PDSS2: variants seen among roughly 807,000 people sequenced by gnomAD.
The protein encoded by PDSS2 is decaprenyl diphosphate synthase subunit 2.
In PDSS2, 31 loss-of-function variants were observed where a neutral mutation model predicts 44.5. The ratio of observed to expected loss-of-function variants is 0.70; its 90% CI spans 0.52 to 0.94. The LOEUF (loss-of-function observed/expected upper bound fraction) is 0.94, where lower values mean the gene tolerates loss of function less well. Ranked by LOEUF, PDSS2 falls within the 40% of genes least tolerant of loss-of-function variation. The probability of loss-of-function intolerance (pLI) is 0.00; values close to 1 mark genes in which losing one functional copy is unlikely to be tolerated. For synonymous variants in PDSS2, 157 were observed against 180.3 expected (o/e 0.87, Z 1.03); for missense variants, 452 against 482.2 (o/e 0.94, Z 0.59).
chr6:107,363,349 C>G (rs1418927289), intron 1 of PDSS2, among the ~76,000 whole-genome samples: 1 of 152,154 alleles, frequency 6.6e-6, no homozygotes, highest in African/African-American at 2.4e-5. Flanking sequence ...TAAGGTGGCG[C>G]GTCTGGAGTC....
chr6:107,203,672 T>G lies in PDSS2; in HGVS notation c.1008+6767A>C, dbSNP rs572679957. ...TAGGTAAAATTTACATAACATAAAA[T>G]TAATCATTTTAATCATTTAAAACAG... On this transcript the variant is annotated intron_variant, in intron 6 of 7. Coordinates refer to ENST00000369037, the MANE Select transcript of PDSS2 (RefSeq NM_020381.4). Among the ~76,000 whole-genome samples the G allele has an allele frequency of 2.6e-5, 4 of 152,244 alleles. No individual in the cohort carries two copies. The South Asian group carries it at 8.3e-4, about 32-fold the overall frequency.
chr6:107,361,812 AT>A (rs770612679), intron 1 of PDSS2, among the ~76,000 whole-genome samples: 4 of 152,226 alleles, frequency 2.6e-5, no homozygotes, highest in African/African-American at 4.8e-5. Context: ...CAACCACTTC[AT>A]TAGAACTGCT....
intron 1 of PDSS2, among the ~76,000 whole-genome samples, chr6:107,340,870 C>G (rs955165402): frequency 6.6e-6 from 1 of 152,092 alleles, no homozygotes; most frequent in African/African-American, 2.4e-5. Flanking sequence ...GTGGGGCTAC[C>G]CATTTGGGCA....
chr6:107,318,449 A>G (rs549704240), intron 2 of PDSS2, among the ~76,000 whole-genome samples: 11 of 152,168 alleles, frequency 7.2e-5, no homozygotes, highest in African/African-American at 2.6e-4. Flanking sequence ...GTTTTATTCA[A>G]TTTTTTACTT....
chr6:107,239,996 T>C (rs1331775580), intron 4 of PDSS2, among the ~76,000 whole-genome samples: 4 of 152,174 alleles, frequency 2.6e-5, no homozygotes, highest in Non-Finnish European at 5.9e-5. Context: ...AATTTAGATA[T>C]ACAGGTCTGT....
chr6:107,440,469 AG>A (rs2114801889), intron 1 of PDSS2, among the ~76,000 whole-genome samples: 1 of 152,366 alleles, frequency 6.6e-6, no homozygotes, highest in South Asian at 2.1e-4. Context: ...GGTTCCAGCT[AG>A]GATCTATTGC....
chr6:107,161,126 C>T (rs1383896776), intron 7 of PDSS2, among the ~76,000 whole-genome samples: 2 of 151,200 alleles, frequency 1.3e-5, no homozygotes, highest in African/African-American at 2.4e-5. Context: ...CCACCCACCT[C>T]GGCCTCCCAA....
At chr6:107,177,018 G>A (rs1305291540) in intron 7 of PDSS2, among the ~76,000 whole-genome samples, 2 of 150,690 alleles carry the variant, frequency 1.3e-5, no homozygotes, top group Non-Finnish European at 2.9e-5. Flanking sequence ...TTCAGGGTAT[G>A]AGCAGACATG....
chr6:107,393,611 C>G (rs1341780256), intron 1 of PDSS2, among the ~76,000 whole-genome samples: 1 of 152,090 alleles, frequency 6.6e-6, no homozygotes, highest in African/African-American at 2.4e-5. Context: ...TTAAAATCTC[C>G]TACTATAACT....
At chr6:107,162,121 T>A (rs1393640689) in intron 7 of PDSS2, among the ~76,000 whole-genome samples, 2 of 152,192 alleles carry the variant, frequency 1.3e-5, no homozygotes, top group Non-Finnish European at 2.9e-5. Context: ...CACCCTTGTT[T>A]TGACATGCAT....
chr6:107,230,496 C>T (rs913852087), intron 4 of PDSS2, among the ~76,000 whole-genome samples: 1 of 152,062 alleles, frequency 6.6e-6, no homozygotes, highest in East Asian at 1.9e-4. Context: ...ATAAAGGTAC[C>T]CCCAAACTCA....
intron 1 of PDSS2, among the ~76,000 whole-genome samples, chr6:107,441,414 T>G (rs927164997): frequency 2.0e-5 from 3 of 152,242 alleles, no homozygotes; most frequent in Non-Finnish European, 4.4e-5. Context: ...CGCCAGTCTC[T>G]GCCATAGCGT....
chr6:107,172,283 T>C (rs1230759961), intron 7 of PDSS2, among the ~76,000 whole-genome samples: 1 of 152,214 alleles, frequency 6.6e-6, no homozygotes, highest in Non-Finnish European at 1.5e-5. Context: ...GTTCAAAAGT[T>C]CTAAAAGTTC....
rs532790550 is a variant in PDSS2, at chr6:107,233,265, G to A, written c.702+12283C>T. Reference sequence around the variant, plus strand: ...TAGTCTGTTCCTTACAATTTTACATGTGGTCTTATGGGAAAATTGCTCTCC... The same window carrying A: ...TAGTCTGTTCCTTACAATTTTACATATGGTCTTATGGGAAAATTGCTCTCC... On this transcript the variant is annotated intron_variant, in intron 4 of 7. Transcript: ENST00000369037. Among the ~76,000 whole-genome samples, 5 of 152,218 alleles carry A rather than the reference G, an allele frequency of 3.3e-5. No individual in the cohort carries two copies. The South Asian group carries it at 1.0e-3, about 32-fold the overall frequency.
At chr6:107,185,141 AAAG>A (rs1167952748) in intron 7 of PDSS2, among the ~76,000 whole-genome samples, 5 of 145,628 alleles carry the variant, frequency 3.4e-5, no homozygotes, top group Non-Finnish European at 5.9e-5. Flanking sequence ...AAAAAAAAAA[AAAG>A]AAGAAGAAGA....
rs1204166730 is a variant in PDSS2 at position 107,154,526 on chromosome 6, TAA to T, written c.*91_*92del. On this transcript the variant is annotated 3_prime_UTR_variant, in exon 8 of 8. Transcript: ENST00000369037. ...AAAGGAAGGAAAAATGCATATGTTT[TAA>T]AAGTCATTAACGCATCGTGAAAGCG... 3.4e-6 allele frequency: 4 copies of T among 1,169,836 alleles called. No individual in the cohort carries two copies. The highest frequency in any genetic ancestry group is 3.5e-5 in the Admixed American group (2 of 56,964). The allele number at this position is 1,169,836 out of a possible 1,614,324, so 72.5% of individuals were successfully genotyped here.
rs1308453557 is a variant in PDSS2, at chr6:107,254,074, C to G, written c.631-8455G>C. Reference sequence around the variant, plus strand: ...TTTGAGACAGAGTCTCACTCTGTCTCCCAGACTGGAATGCAGTGGGACGAT... The same window carrying G: ...TTTGAGACAGAGTCTCACTCTGTCTGCCAGACTGGAATGCAGTGGGACGAT... On this transcript the variant is annotated intron_variant, in intron 3 of 7. Coordinates refer to ENST00000369037, the MANE Select transcript of PDSS2 (RefSeq NM_020381.4). Among the ~76,000 whole-genome samples, 4 of 145,506 alleles carry G rather than the reference C, an allele frequency of 2.7e-5. No individual in the cohort carries two copies. In the Admixed American group the frequency reaches 2.8e-4, roughly 10 times the overall value.
rs573466546 is a variant in PDSS2, at chr6:107,358,998, A to G, written c.297-24666T>C. On this transcript the variant is annotated intron_variant, in intron 1 of 7. Transcript: ENST00000369037. ...GGCAAAGCAAATCAGGAGCTTTAGCATTCTCGCTCTTTTTTTTTTTTTTTT... is the reference window on the plus strand; with the variant it reads ...GGCAAAGCAAATCAGGAGCTTTAGCGTTCTCGCTCTTTTTTTTTTTTTTTT... 7.1e-5 allele frequency among the ~76,000 whole-genome samples: 10 copies of G among 139,870 alleles called. No homozygotes were observed. In the South Asian group the frequency reaches 2.3e-3, roughly 33 times the overall value. The allele number at this position is 139,870 out of a possible 152,430, so 91.8% of individuals were successfully genotyped here.
At chr6:107,426,479 C>A (rs1781008452) in intron 1 of PDSS2, among the ~76,000 whole-genome samples, 1 of 152,194 alleles carries the variant, frequency 6.6e-6, no homozygotes. Context: ...GGAGCCTCCA[C>A]AAAAAGTCCC....
Sources: gnomAD v4.1 joint callset for allele counts (sites outside exome capture counted in the v4.1 genomes callset) on GRCh38, gnomAD v4.1.1 for gene constraint, MANE v1.5 for transcripts, NCBI Gene and HGNC (gene_info 2026-07-23, HGNC 2026-07-21) for gene names.